Variants in DEAF1 observed in about 807,000 individuals in gnomAD.
The protein encoded by DEAF1 is deformed epidermal autoregulatory factor 1 homolog.
A neutral mutation model predicts 58.9 loss-of-function variants in DEAF1; 53 were observed. The ratio of observed to expected loss-of-function variants is 0.90; its 90% CI spans 0.72 to 1.13. DEAF1 has a LOEUF of 1.13. DEAF1 is among the 50% of genes most tolerant of loss of function. DEAF1 has a pLI of 0.00. For synonymous variants in DEAF1, 385 were observed against 340.4 expected (o/e 1.13, Z -1.44); for missense variants, 685 against 791.4 (o/e 0.87, Z 1.61).
At chr11:703,668 A>T (rs953260754) in intron 1 of DEAF1, 1 of 1,232,176 alleles carries the variant, frequency 8.1e-7, no homozygotes, top group African/African-American at 1.6e-5. Flanking sequence ...GCTCTGAGCA[A>T]CCCCAGCTCT....
Position 650,689 on chromosome 11 carries a change from A to G in DEAF1, c.1593+3273T>C, listed in dbSNP as rs548734437. On this transcript the variant is annotated intron_variant, in intron 11 of 11. Transcript: ENST00000382409. Reference sequence around the variant, plus strand: ...AGATGCAGGCTGGGCGCAGTGACTCATGCCTGTCATCCCAGCACTTTGGGA... The same window carrying G: ...AGATGCAGGCTGGGCGCAGTGACTCGTGCCTGTCATCCCAGCACTTTGGGA... 2.0e-5 allele frequency among the ~76,000 whole-genome samples: 3 copies of G among 150,966 alleles called. No individual in the cohort carries two copies. The East Asian group carries it at 6.2e-4, about 31-fold the overall frequency.
chr11:686,309 A>AC (rs397708767), intron 5 of DEAF1, among the ~76,000 whole-genome samples: 5 of 150,096 alleles, frequency 3.3e-5, no homozygotes, highest in South Asian at 2.1e-4. Context: ...AAAAAAAAAA[A>AC]CCACAAAAAC....
At chr11:662,650 C>G (rs750756745) in intron 10 of DEAF1, among the ~76,000 whole-genome samples, 1 of 152,168 alleles carries the variant, frequency 6.6e-6, no homozygotes, top group African/African-American at 2.4e-5. Flanking sequence ...CCCGAGCCCT[C>G]GTAAGATACC....
chr11:645,671 G>A (rs1858457560), intron 11 of DEAF1, among the ~76,000 whole-genome samples: 1 of 152,182 alleles, frequency 6.6e-6, no homozygotes, highest in African/African-American at 2.4e-5. Context: ...CCAGCCCGTG[G>A]CTGCAGAGAA....
chr11:665,236 C>G (rs1234919775), intron 10 of DEAF1, among the ~76,000 whole-genome samples: 3 of 136,866 alleles, frequency 2.2e-5, no homozygotes, highest in African/African-American at 8.3e-5. Context: ...CAGCTATTCA[C>G]ACTGAGAGGA....
At chr11:701,112 T>C (rs1024489382) in intron 1 of DEAF1, 1 of 219,712 alleles carries the variant, frequency 4.6e-6, no homozygotes, top group Non-Finnish European at 9.3e-6. Context: ...GGCAGCAGAG[T>C]CTGGAGGGGT....
chr11:656,195 G>A (rs892870969), intron 10 of DEAF1, among the ~76,000 whole-genome samples: 2 of 144,716 alleles, frequency 1.4e-5, no homozygotes, highest in African/African-American at 5.4e-5. Flanking sequence ...TCGCTCTGTC[G>A]CCCAGCCTGG....
At chr11:653,929 G>A (rs751247573) in intron 11 of DEAF1, 33 bp downstream of exon 11, 54 of 1,597,492 alleles carry the variant, frequency 3.4e-5, no homozygotes, top group East Asian at 2.2e-4. Context: ...GGGAGGAGGC[G>A]GGGGCACTGA....
At chr11:653,576 T>C (rs1858896207) in intron 11 of DEAF1, among the ~76,000 whole-genome samples, 1 of 143,354 alleles carries the variant, frequency 7.0e-6, no homozygotes, top group Non-Finnish European at 1.5e-5. Context: ...TGCAGGGGTG[T>C]GGAGGGCTGA....
chr11:700,173 ATC>A (rs1861378317), upstream of DEAF1: 7 of 1,614,162 alleles, frequency 4.3e-6, no homozygotes, highest in Non-Finnish European at 5.9e-6. Flanking sequence ...ATGCTGTTTT[ATC>A]TCAGCGGAAC....
At chr11:669,934 A>C (rs1859733705) in intron 10 of DEAF1, among the ~76,000 whole-genome samples, 1 of 127,508 alleles carries the variant, frequency 7.8e-6, no homozygotes, top group Admixed American at 9.6e-5. Flanking sequence ...TCTCAAAAAA[A>C]AAAAAAAAAA....
chr11:684,892 A>G lies in DEAF1; in HGVS notation c.870+6T>C. 1 of 1,551,450 alleles carries G rather than the reference A, an allele frequency of 6.4e-7. No individual in the cohort carries two copies. The highest frequency in any genetic ancestry group is 1.2e-5 in the South Asian group (1 of 84,054). ...TCATCCTGTTCCAGACACGCTGGCC[A>G]CTTACTAAGGTCATGTCGTCGCAGC... On this transcript the variant is annotated splice_donor_region_variant and intron_variant, in intron 6 of 11. Transcript: ENST00000382409.
intron 7 of DEAF1, 69 bp from the exon 8 acceptor site, chr11:679,885 C>T (rs376342057): frequency 6.3e-7 from 1 of 1,598,830 alleles, no homozygotes; most frequent in South Asian, 1.1e-5. Context: ...CCCGTGCCAC[C>T]CACGGGCGCC....
intron 10 of DEAF1, among the ~76,000 whole-genome samples, chr11:655,998 A>AT (rs35609070): frequency 0.084 from 12,712 of 151,344 alleles, 652 homozygotes; most frequent in Admixed American, 0.18. Flanking sequence ...CGCCTGGCTA[A>AT]TTTTTTTGTA....
chr11:684,822 G>T, intron 6 of DEAF1, 76 bp downstream of exon 6: 3 of 1,288,782 alleles, frequency 2.3e-6, no homozygotes, highest in Non-Finnish European at 2.2e-6. Context: ...CAGCCGAGAG[G>T]CCAAGGGCTG....
chr11:651,428 A>T (rs1405659299), intron 11 of DEAF1: 3 of 329,322 alleles, frequency 9.1e-6, no homozygotes, highest in Non-Finnish European at 1.7e-5. Context: ...AAAAAAAAAA[A>T]AATTAAATAA....
At chr11:694,322 C>T in intron 1 of DEAF1, 1 of 161,254 alleles carries the variant, frequency 6.2e-6, no homozygotes, top group Non-Finnish European at 1.3e-5. Flanking sequence ...GTAGGTGGGG[C>T]AGGCTGGTCA....
Position 688,601 on chromosome 11 carries a change from T to A in DEAF1, c.388-141A>T. The A allele has an allele frequency of 2.1e-6, 2 of 957,350 alleles. No homozygotes were observed. The highest frequency in any genetic ancestry group is 4.0e-5 in the Admixed American group (2 of 49,802). The allele number at this position is 957,350 out of a possible 1,614,324, so 59.3% of individuals were successfully genotyped here. ...CGCTCACCTAGGCACCCCATATCTT[T>A]TCCAAAGATACCTCTCAAAGACTTG... On this transcript the variant is annotated intron_variant, in intron 2 of 11. Transcript: ENST00000382409. The surrounding 1 kb of genome is among the most constrained non-coding windows in gnomAD (Gnocchi z 4.3).
chr11:695,154 C>G lies in DEAF1; in HGVS notation c.-107G>C. ...GAGGACGCCCGAGCTGGGCCGAGGC[C>G]GCCCGAAGCCGCCGCCCGAATAGGG... On this transcript the variant is annotated 5_prime_UTR_variant, in exon 1 of 12. Transcript: ENST00000382409. 1 of 1,021,402 alleles carries G rather than the reference C, an allele frequency of 9.8e-7. No individual in the cohort carries two copies. The highest frequency in any genetic ancestry group is 1.3e-6 in the Non-Finnish European group (1 of 773,148). 63.3% of individuals were successfully genotyped at this position (1,021,402 alleles called of 1,614,324 possible).
Sources: allele counts gnomAD v4.1 joint callset (sites outside exome capture counted in the v4.1 genomes callset), GRCh38; gene constraint gnomAD v4.1.1; non-coding constraint Gnocchi (gnomAD v3.1); transcripts MANE v1.5; gene names NCBI Gene and HGNC (gene_info 2026-07-23, HGNC 2026-07-21).